Variants in PDE4D observed in about 807,000 individuals in gnomAD.
PDE4D encodes phosphodiesterase 4D, also known as 3',5'-cyclic-AMP phosphodiesterase 4D.
In PDE4D, 24 loss-of-function variants were observed where a neutral mutation model predicts 87.4. The observed-to-expected ratio is 0.27, with a 90% CI of 0.20 to 0.39. PDE4D has a LOEUF of 0.39. PDE4D is among the 10% of genes least tolerant of loss of function. The probability of loss-of-function intolerance (pLI) is 1.00; values close to 1 mark genes in which losing one functional copy is unlikely to be tolerated. For missense variants in PDE4D, 714 were observed against 1,041.0 expected (o/e 0.69, Z 4.32); for synonymous variants, 384 against 383.2 (o/e 1.00, Z -0.02).
chr5:59,972,341 C>T (rs185186471), intron 3 of PDE4D, among the ~76,000 whole-genome samples: 100 of 152,298 alleles, frequency 6.6e-4, no homozygotes, highest in Non-Finnish European at 1.2e-3. Flanking sequence ...TAAGACCTTA[C>T]CTCTCTTGAC....
rs61507201 is a variant in PDE4D at position 59,504,902 on chromosome 5, A to ATGTGTGTGTG, written c.456-288944_456-288935dup. On this transcript the variant is annotated intron_variant, in intron 1 of 14. Coordinates refer to ENST00000340635, the MANE Select transcript of PDE4D (RefSeq NM_001104631.2). Reference sequence around the variant, plus strand: ...TTTCATACTTTCTTGGTAGGGGTATATGTGTGTGTGTGTGTGTGTGTGTGT... The same window carrying ATGTGTGTGTG: ...TTTCATACTTTCTTGGTAGGGGTATATGTGTGTGTGTGTGTGTGTGTGTGTGTGTGTGTGT... 4.6e-3 allele frequency among the ~76,000 whole-genome samples: 668 copies of ATGTGTGTGTG among 145,800 alleles called. 8 individuals carry two copies. Among genetic ancestry groups the ATGTGTGTGTG allele is most frequent in the African/African-American group, 0.013 (516 of 39,520 alleles).
At chr5:59,143,991 C>G (rs1000027716) in intron 5 of PDE4D, among the ~76,000 whole-genome samples, 1 of 152,208 alleles carries the variant, frequency 6.6e-6, no homozygotes, top group South Asian at 2.1e-4. Flanking sequence ...GGTACTTTAA[C>G]TCCTTCACAA....
intron 3 of PDE4D, among the ~76,000 whole-genome samples, chr5:59,937,264 AGAGATAGACATAAAATAATATATACG>A (rs1756699769): frequency 1.3e-5 from 2 of 152,222 alleles, no homozygotes; most frequent in Non-Finnish European, 2.9e-5. Flanking sequence ...ATGAGGAATT[AGAGATAGACATAAAATAATATATACG>A]CTAACATATA....
intron 1 of PDE4D, among the ~76,000 whole-genome samples, chr5:59,412,986 T>TA (rs34569783): frequency 0.17 from 25,817 of 152,182 alleles, 2,911 homozygotes; most frequent in African/African-American, 0.31. Flanking sequence ...TAAACTTGTC[T>TA]ATCTTTTGTT....
chr5:60,378,796 T>C (rs1169638000), intron 1 of PDE4D, among the ~76,000 whole-genome samples: 1 of 151,702 alleles, frequency 6.6e-6, no homozygotes, highest in Non-Finnish European at 1.5e-5. Flanking sequence ...GAGATTGCAG[T>C]GAGCCTAGAG....
At chr5:59,557,417 T>C (rs949875502) in intron 1 of PDE4D, among the ~76,000 whole-genome samples, 17 of 152,186 alleles carry the variant, frequency 1.1e-4, no homozygotes, top group Non-Finnish European at 2.4e-4. Flanking sequence ...TTTTGAGATC[T>C]AGAATCTTTA....
At chr5:59,919,032 A>C (rs934167830) in intron 3 of PDE4D, among the ~76,000 whole-genome samples, 11 of 152,240 alleles carry the variant, frequency 7.2e-5, no homozygotes, top group African/African-American at 2.7e-4. Flanking sequence ...GTATACATAG[A>C]GATATGTAAG....
intron 1 of PDE4D, among the ~76,000 whole-genome samples, chr5:59,535,732 C>A (rs752504449): frequency 2.6e-4 from 40 of 152,124 alleles, no homozygotes; most frequent in Non-Finnish European, 4.7e-4. Flanking sequence ...ATAAATACAT[C>A]CTTTTTATTG....
At chr5:60,435,660 G>A (rs1326516461) in intron 1 of PDE4D, among the ~76,000 whole-genome samples, 1 of 151,856 alleles carries the variant, frequency 6.6e-6, no homozygotes, top group Non-Finnish European at 1.5e-5. Context: ...GAATTATTTA[G>A]GACGTGAAGA....
At chr5:59,354,942 T>C (rs937490290) in intron 1 of PDE4D, among the ~76,000 whole-genome samples, 3 of 152,152 alleles carry the variant, frequency 2.0e-5, no homozygotes. Context: ...AAATTAATTA[T>C]TCTGTGGGAA....
At chr5:60,137,493 TG>T (rs1367907590) in intron 2 of PDE4D, among the ~76,000 whole-genome samples, 1 of 152,200 alleles carries the variant, frequency 6.6e-6, no homozygotes, top group Non-Finnish European at 1.5e-5. Flanking sequence ...CCATTCTGAC[TG>T]GTGTGAGATG....
At chr5:59,109,095 CT>C (rs1261633609) in intron 5 of PDE4D, among the ~76,000 whole-genome samples, 1 of 150,100 alleles carries the variant, frequency 6.7e-6, no homozygotes, top group South Asian at 2.1e-4. Flanking sequence ...TATTCCAGTT[CT>C]TTTTTTCTTA....
chr5:60,203,751 G>C (rs1166633029), intron 1 of PDE4D, among the ~76,000 whole-genome samples: 1 of 152,158 alleles, frequency 6.6e-6, no homozygotes, highest in Non-Finnish European at 1.5e-5. Context: ...TCATATGAAA[G>C]ATGGTGCAGG....
chr5:59,010,342 G>A (rs1909295), intron 6 of PDE4D, among the ~76,000 whole-genome samples: 15,347 of 151,816 alleles, frequency 0.1, 1,038 homozygotes, highest in Non-Finnish European at 0.13. Context: ...AATAATAAGA[G>A]AAGCCTTTAG....
chr5:60,067,392 G>A (rs963605878), intron 2 of PDE4D, among the ~76,000 whole-genome samples: 1 of 151,984 alleles, frequency 6.6e-6, no homozygotes. Flanking sequence ...ATGAATTAAA[G>A]GGAGTTTCCC....
Position 59,893,657 on chromosome 5 carries a change from C to T in PDE4D, c.-35G>A. The stretch of plus-strand genomic sequence containing the variant: ...CGGCTCCGCGACCTGCTGCCCAGCC[C>T]GGGTTCACCGCGCTGGCCCGAGCGC... On this transcript the variant is annotated 5_prime_UTR_variant, in exon 1 of 15. Coordinates refer to ENST00000340635, the MANE Select transcript of PDE4D (RefSeq NM_001104631.2). 6.9e-7 allele frequency: 1 copy of T among 1,441,262 alleles called. No individual in the cohort carries two copies. Among genetic ancestry groups the T allele is most frequent in the Non-Finnish European group, 9.0e-7 (1 of 1,106,374 alleles). 89.3% of individuals were successfully genotyped at this position (1,441,262 alleles called of 1,614,324 possible).
chr5:59,849,345 T>TA (rs1744339030), intron 1 of PDE4D, among the ~76,000 whole-genome samples: 1 of 151,978 alleles, frequency 6.6e-6, no homozygotes, highest in Admixed American at 6.6e-5. Flanking sequence ...TGACTGATGA[T>TA]AAAAATAAAA....
intron 1 of PDE4D, among the ~76,000 whole-genome samples, chr5:59,424,271 G>T (rs1341408708): frequency 6.6e-6 from 1 of 152,202 alleles, no homozygotes; most frequent in Non-Finnish European, 1.5e-5. Context: ...TTACCCAGAA[G>T]TAGGGAGAAT....
At chr5:59,479,011 G>A (rs947228648) in intron 1 of PDE4D, among the ~76,000 whole-genome samples, 1 of 151,982 alleles carries the variant, frequency 6.6e-6, no homozygotes, top group Non-Finnish European at 1.5e-5. Context: ...AAAAATATCT[G>A]TTGCTTTTGG....
Sources: gnomAD v4.1 joint callset for allele counts (sites outside exome capture counted in the v4.1 genomes callset) on GRCh38, gnomAD v4.1.1 for gene constraint, MANE v1.5 for transcripts, NCBI Gene and HGNC (gene_info 2026-07-23, HGNC 2026-07-21) for gene names.